Variants in CAMTA1 observed in about 807,000 individuals in gnomAD.
CAMTA1 encodes the protein calmodulin-binding transcription activator 1.
A neutral mutation model predicts 170.9 loss-of-function variants in CAMTA1; 27 were observed. That is an observed-to-expected ratio of 0.16 (90% confidence interval 0.12 to 0.22). The LOEUF is 0.22. CAMTA1 is among the 10% of genes least tolerant of loss of function. The probability of loss-of-function intolerance (pLI) is 1.00; values close to 1 mark genes in which losing one functional copy is unlikely to be tolerated. For synonymous variants in CAMTA1, 833 were observed against 891.5 expected, an observed-to-expected ratio of 0.93 and a Z score of 1.17; for missense variants, 1,619 against 2,217.2, an observed-to-expected ratio of 0.73 and a Z score of 5.42.
At chr1:7,116,964 A>C (rs568863912) in intron 4 of CAMTA1, among the ~76,000 whole-genome samples, 14 of 137,322 alleles carry the variant, frequency 1.0e-4, no homozygotes, top group African/African-American at 3.9e-4. Context: ...CTTAGTTTTC[A>C]TAGAAATAAC....
intron 5 of CAMTA1, among the ~76,000 whole-genome samples, chr1:7,449,649 A>G (rs965994046): frequency 2.6e-5 from 4 of 151,906 alleles, no homozygotes; most frequent in Admixed American, 1.3e-4. Flanking sequence ...GCATGTCTGT[A>G]ATCCCAGCTA....
rs1037277190 is a variant in CAMTA1, at chr1:7,007,530, G to A, written c.235-83774G>A. Among the ~76,000 whole-genome samples, 3 of 152,106 alleles carry A rather than the reference G, an allele frequency of 2.0e-5. No homozygotes were observed. Among genetic ancestry groups the A allele is most frequent in the African/African-American group, 4.8e-5 (2 of 41,400 alleles). ...AGTTCAGACCCTTGGGATACCTGGC[G>A]TGGTCCTCCTGACCGGGGCTCAGTT... On this transcript the variant is annotated intron_variant, in intron 3 of 22. Coordinates refer to ENST00000303635, the MANE Select transcript of CAMTA1 (RefSeq NM_015215.4). The surrounding 1 kb of genome is among the most constrained non-coding windows in gnomAD (Gnocchi z 4.5).
At chr1:7,762,435 T>C (rs1353863013) in intron 22 of CAMTA1, among the ~76,000 whole-genome samples, 3 of 152,258 alleles carry the variant, frequency 2.0e-5, no homozygotes. Flanking sequence ...AATTCTAGTA[T>C]ATGTTATTCT....
intron 5 of CAMTA1, among the ~76,000 whole-genome samples, chr1:7,401,787 A>G (rs577281770): frequency 1.3e-5 from 2 of 152,270 alleles, no homozygotes; most frequent in Non-Finnish European, 2.9e-5. Flanking sequence ...CATTGCTGTT[A>G]TATAAAAATG....
chr1:7,538,071 C>A (rs886969614), intron 6 of CAMTA1, among the ~76,000 whole-genome samples: 1 of 152,218 alleles, frequency 6.6e-6, no homozygotes, highest in Non-Finnish European at 1.5e-5. Flanking sequence ...TAATGATGCT[C>A]AAGCTTGGAG....
intron 3 of CAMTA1, among the ~76,000 whole-genome samples, chr1:7,062,953 C>T (rs1459634542): frequency 6.6e-6 from 1 of 152,184 alleles, no homozygotes; most frequent in Non-Finnish European, 1.5e-5. Flanking sequence ...GATTGGGGCC[C>T]ATCCTACTCC....
chr1:7,278,320 A>C (rs1161009382), intron 5 of CAMTA1, among the ~76,000 whole-genome samples: 1 of 152,226 alleles, frequency 6.6e-6, no homozygotes, highest in African/African-American at 2.4e-5. Flanking sequence ...TTTGTACCAC[A>C]TCACCATGGG....
intron 2 of CAMTA1, among the ~76,000 whole-genome samples, chr1:6,821,687 C>A (rs1256430290): frequency 3.3e-5 from 5 of 152,056 alleles, no homozygotes. Flanking sequence ...ATGAATGTAT[C>A]ATTTCTAGAT....
intron 4 of CAMTA1, among the ~76,000 whole-genome samples, chr1:7,180,030 G>A (rs886329858): frequency 6.6e-6 from 1 of 152,092 alleles, no homozygotes; most frequent in East Asian, 1.9e-4. Context: ...TGAAATAAAT[G>A]ACAAAAGAGA....
chr1:7,575,819 C>G (rs1576173738), intron 6 of CAMTA1, among the ~76,000 whole-genome samples: 2 of 152,146 alleles, frequency 1.3e-5, no homozygotes, highest in South Asian at 4.1e-4. Context: ...AAGAGGAAAG[C>G]TGAGGGAAAT....
rs1659776366 is a variant in CAMTA1 at position 7,216,523 on chromosome 1, TTTCTTTCG to T, written c.303-32960_303-32953del. Among the ~76,000 whole-genome samples, 1 of 152,312 alleles carries T rather than the reference TTTCTTTCG, an allele frequency of 6.6e-6. No individual in the cohort carries two copies. Among genetic ancestry groups the T allele is most frequent in the South Asian group, 2.1e-4 (1 of 4,826 alleles). The stretch of plus-strand genomic sequence containing the variant: ...TCATTTTCCTTCCTTCCTTCCTTTC[TTTCTTTCG>T]TTCTTTCACAGAACTGTCGCCCAGG... On this transcript the variant is annotated intron_variant, in intron 4 of 22. Coordinates refer to ENST00000303635, the MANE Select transcript of CAMTA1 (RefSeq NM_015215.4). The surrounding 1 kb of genome is among the most constrained non-coding windows in gnomAD (Gnocchi z 4.0).
rs116810360 is a variant in CAMTA1 at position 7,154,572 on chromosome 1, T to C, written c.302+63201T>C. On this transcript the variant is annotated intron_variant, in intron 4 of 22. Coordinates refer to ENST00000303635, the MANE Select transcript of CAMTA1 (RefSeq NM_015215.4). ...ACTAAGGCAATAATGAATTTATGTG[T>C]AATCTGTCCTGTGCGTGTGATACTT... 3.2e-3 allele frequency among the ~76,000 whole-genome samples: 494 copies of C among 152,302 alleles called. 4 individuals carry two copies. Among genetic ancestry groups the C allele is most frequent in the Non-Finnish European group, 5.0e-3 (342 of 68,016 alleles).
intron 3 of CAMTA1, among the ~76,000 whole-genome samples, chr1:6,876,586 C>T (rs1357690031): frequency 6.6e-6 from 1 of 152,144 alleles, no homozygotes. Flanking sequence ...TGGTCTCGAA[C>T]TCCTGACCTC....
At chr1:6,898,862 C>T (rs972711825) in intron 3 of CAMTA1, among the ~76,000 whole-genome samples, 16 of 152,174 alleles carry the variant, frequency 1.1e-4, no homozygotes, top group African/African-American at 3.9e-4. Context: ...AGGTAGCTGG[C>T]CAACATGGGG....
intron 6 of CAMTA1, among the ~76,000 whole-genome samples, chr1:7,601,716 A>G (rs915029606): frequency 1.3e-5 from 2 of 152,230 alleles, no homozygotes; most frequent in Non-Finnish European, 2.9e-5. Flanking sequence ...AGGCTGGCGG[A>G]TCCCTCGCGG....
intron 4 of CAMTA1, among the ~76,000 whole-genome samples, chr1:7,104,258 CACA>C (rs1488478078): frequency 1.5e-5 from 2 of 135,882 alleles, no homozygotes; most frequent in Non-Finnish European, 3.2e-5. Flanking sequence ...CACACATACA[CACA>C]ACTACATACA....
chr1:6,887,577 A>C lies in CAMTA1; in HGVS notation c.234+62367A>C. Reference sequence around the variant, plus strand: ...TCTCCTCCTCTCTCTGCCTCTGGAAATGGGGCAAATTTTTCTTCAGTTAAA... The same window carrying C: ...TCTCCTCCTCTCTCTGCCTCTGGAACTGGGGCAAATTTTTCTTCAGTTAAA... On this transcript the variant is annotated intron_variant, in intron 3 of 22. Transcript: ENST00000303635. The surrounding 1 kb of genome is among the most constrained non-coding windows in gnomAD (Gnocchi z 4.1). 6.6e-7 allele frequency: 1 copy of C among 1,518,864 alleles called. No homozygotes were observed. The highest frequency in any genetic ancestry group is 8.8e-7 in the Non-Finnish European group (1 of 1,137,640). 94.1% of individuals were successfully genotyped at this position (1,518,864 alleles called of 1,614,324 possible). A position where few individuals can be genotyped will look rare whatever the true frequency, so the allele number is the denominator to read the frequency against.
Position 7,005,920 on chromosome 1 carries a change from G to A in CAMTA1, c.235-85384G>A, listed in dbSNP as rs138238778. ...TGGAGGGGTGGCCCCTCAGTGGAGG[G>A]ATTGCTGCCCCAGATCTGGCTGTAC... is the stretch of plus-strand genomic sequence containing the variant. On this transcript the variant is annotated intron_variant, in intron 3 of 22. Coordinates refer to ENST00000303635, the MANE Select transcript of CAMTA1 (RefSeq NM_015215.4). Among the ~76,000 whole-genome samples, 777 of 152,346 alleles carry A rather than the reference G, an allele frequency of 5.1e-3. 6 individuals carry two copies. The highest frequency in any genetic ancestry group is 0.018 in the African/African-American group (732 of 41,576).
At chr1:7,658,389 G>T (rs973459734) in intron 7 of CAMTA1, among the ~76,000 whole-genome samples, 1 of 152,158 alleles carries the variant, frequency 6.6e-6, no homozygotes, top group Admixed American at 6.5e-5. Flanking sequence ...AACGGCACGT[G>T]AGGAGCCTCT....
Sources: gnomAD v4.1 joint callset for allele counts (sites outside exome capture counted in the v4.1 genomes callset) on GRCh38, gnomAD v4.1.1 for gene constraint, Gnocchi (gnomAD v3.1) non-coding constraint, MANE v1.5 for transcripts, NCBI Gene and HGNC (gene_info 2026-07-23, HGNC 2026-07-21) for gene names.